The following MGAT4C variants were observed in gnomAD, a reference collection of about 807,000 sequenced individuals.
MGAT4C encodes the protein alpha-1,3-mannosyl-glycoprotein 4-beta-N-acetylglucosaminyltransferase C.
Under a neutral mutation model 40.1 loss-of-function variants are expected in MGAT4C, and 19 were observed. The ratio of observed to expected loss-of-function variants is 0.47; its 90% CI spans 0.33 to 0.70. MGAT4C has a LOEUF of 0.70. MGAT4C is among the 30% of genes least tolerant of loss of function. The pLI is 0.02. For synonymous variants in MGAT4C, 181 were observed against 187.1 expected (o/e 0.97, Z 0.27); for missense variants, 491 against 563.2 (o/e 0.87, Z 1.30).
intron 2 of MGAT4C, among the ~76,000 whole-genome samples, chr12:86,537,575 T>C (rs529895881): frequency 1.3e-5 from 2 of 152,308 alleles, no homozygotes; most frequent in East Asian, 3.9e-4. Context: ...TTGCATGCCC[T>C]GTGCGGTCAG....
At chr12:86,259,395 T>G (rs1952608826), upstream of MGAT4C, among the ~76,000 whole-genome samples, 1 of 151,962 alleles carries the variant, frequency 6.6e-6, no homozygotes, top group African/African-American at 2.4e-5. Flanking sequence ...TCTACTATAC[T>G]AAAATAATAT....
chr12:86,680,875 G>A (rs1188986417), intron 2 of MGAT4C, among the ~76,000 whole-genome samples: 2 of 151,796 alleles, frequency 1.3e-5, no homozygotes, highest in African/African-American at 4.8e-5. Flanking sequence ...ATTTAGAGCT[G>A]TTTGAATCCA....
chr12:86,668,279 C>T (rs1374246841), intron 2 of MGAT4C, among the ~76,000 whole-genome samples: 1 of 151,992 alleles, frequency 6.6e-6, no homozygotes, highest in Middle Eastern at 3.2e-3. Context: ...TGATGGACAC[C>T]CCAGATTTCA....
chr12:86,392,513 G>A (rs1311905666), intron 3 of MGAT4C, among the ~76,000 whole-genome samples: 1 of 152,004 alleles, frequency 6.6e-6, no homozygotes. Context: ...AGAAGAATTA[G>A]GTACTGTCAA....
chr12:86,449,254 A>G (rs1957386569), intron 2 of MGAT4C, among the ~76,000 whole-genome samples: 1 of 152,204 alleles, frequency 6.6e-6, no homozygotes, highest in Admixed American at 6.6e-5. Flanking sequence ...TTAAGAAAGC[A>G]TAGTGAGCTT....
intron 1 of MGAT4C, among the ~76,000 whole-genome samples, chr12:86,228,590 A>C (rs541167106): frequency 3.3e-5 from 5 of 151,722 alleles, no homozygotes; most frequent in Non-Finnish European, 7.4e-5. Flanking sequence ...ATTTTTCTGC[A>C]CTCTAATAGA....
At chr12:86,827,777 C>T (rs2136233016) in intron 1 of MGAT4C, among the ~76,000 whole-genome samples, 1 of 151,430 alleles carries the variant, frequency 6.6e-6, no homozygotes, top group African/African-American at 2.4e-5. Flanking sequence ...TTATACACAA[C>T]TTGACAATTT....
chr12:85,996,558 T>G (rs902362529), intron 2 of MGAT4C, among the ~76,000 whole-genome samples: 8 of 152,158 alleles, frequency 5.3e-5, no homozygotes, highest in Non-Finnish European at 1.2e-4. Flanking sequence ...AGGAAACTCA[T>G]TTTAATGATA....
intron 2 of MGAT4C, among the ~76,000 whole-genome samples, chr12:86,722,695 C>A (rs1447246127): frequency 6.6e-6 from 1 of 152,104 alleles, no homozygotes; most frequent in Non-Finnish European, 1.5e-5. Context: ...GATTCTACAT[C>A]TCTATTCATA....
At chr12:86,372,987 C>A (rs10776968) in intron 3 of MGAT4C, among the ~76,000 whole-genome samples, 97,841 of 150,090 alleles carry the variant, frequency 0.65, 32,642 homozygotes, top group South Asian at 0.77. Context: ...TAAATAATTA[C>A]ATATATGAAT....
At chr12:86,061,192 G>T (rs530618032) in intron 1 of MGAT4C, among the ~76,000 whole-genome samples, 3 of 152,286 alleles carry the variant, frequency 2.0e-5, no homozygotes, top group East Asian at 3.9e-4. Flanking sequence ...TGGACAGTGG[G>T]TGCAGCCCAA....
chr12:86,281,868 A>C (rs1220032176), intron 4 of MGAT4C, among the ~76,000 whole-genome samples: 2 of 152,034 alleles, frequency 1.3e-5, no homozygotes, highest in East Asian at 1.9e-4. Flanking sequence ...CTGGAGTATA[A>C]ATTATATTTC....
In MGAT4C at chr12:86,530,108, G is replaced by C. The variant is rs1374630726; in HGVS notation, c.-228-94843C>G. Among the ~76,000 whole-genome samples the C allele has an allele frequency of 3.3e-5, 5 of 151,934 alleles. No individual in the cohort carries two copies. In the South Asian group the frequency reaches 1.0e-3, roughly 31 times the overall value. ...CAGATGCAGAACTGTGGATATGGAC[G>C]ACTGAATGTATTAACTTATATAGCT... On this transcript the variant is annotated intron_variant, in intron 2 of 7. Transcript: ENST00000548651.
rs561862307 is a variant in MGAT4C at position 86,385,308 on chromosome 12, G to T, written c.-120+49849C>A. ...TTTCATCTGGGCCTTTTTCATACTA[G>T]AATATTTTCCATGAGGATAAATCCT... On this transcript the variant is annotated intron_variant, in intron 3 of 7. Transcript: ENST00000548651. Among the ~76,000 whole-genome samples, 7 of 152,036 alleles carry T rather than the reference G, an allele frequency of 4.6e-5. No homozygotes were observed. The South Asian group carries it at 1.5e-3, about 32-fold the overall frequency.
chr12:86,155,781 GA>G (rs1048552060), intron 1 of MGAT4C, among the ~76,000 whole-genome samples: 12 of 152,010 alleles, frequency 7.9e-5, no homozygotes, highest in African/African-American at 2.2e-4. Context: ...AAATTATGGT[GA>G]AAAAAAGGTA....
chr12:86,667,856 C>G (rs1964154804), intron 2 of MGAT4C, among the ~76,000 whole-genome samples: 1 of 152,088 alleles, frequency 6.6e-6, no homozygotes, highest in African/African-American at 2.4e-5. Flanking sequence ...AACCCATAGT[C>G]TAAAATATAA....
intron 1 of MGAT4C, among the ~76,000 whole-genome samples, chr12:86,162,995 A>C (rs184745758): frequency 6.6e-6 from 1 of 152,152 alleles, no homozygotes; most frequent in Non-Finnish European, 1.5e-5. Context: ...TTATACCCAC[A>C]TAGAGCCTCT....
At chr12:86,383,088 G>A (rs1955975639) in intron 3 of MGAT4C, among the ~76,000 whole-genome samples, 1 of 152,174 alleles carries the variant, frequency 6.6e-6, no homozygotes, top group Admixed American at 6.5e-5. Flanking sequence ...TGGGTTTCTT[G>A]AAAAGCTACA....
chr12:86,365,546 G>A (rs1210518688), intron 3 of MGAT4C, among the ~76,000 whole-genome samples: 1 of 152,170 alleles, frequency 6.6e-6, no homozygotes, highest in African/African-American at 2.4e-5. Flanking sequence ...GTAAAGACAA[G>A]CATAAGAAAT....
Sources: allele counts gnomAD v4.1 joint callset (sites outside exome capture counted in the v4.1 genomes callset), GRCh38; gene constraint gnomAD v4.1.1; transcripts MANE v1.5; gene names NCBI Gene and HGNC (gene_info 2026-07-23, HGNC 2026-07-21).